Variants in ZNF880 observed in about 807,000 individuals in gnomAD.
ZNF880 encodes zinc finger protein LOC400713.
ZNF880 carries 12 observed loss-of-function variants against 11.8 expected under a neutral mutation model. The observed-to-expected ratio is 1.02, with a 90% CI of 0.65 to 1.65. The LOEUF is 1.65. Among genes scored for constraint, ZNF880 ranks in the 40% most tolerant of loss-of-function variants. ZNF880 has a pLI of 0.00. For synonymous variants in ZNF880, 210 were observed against 232.4 expected (o/e 0.90, Z 0.88); for missense variants, 601 against 673.9 (o/e 0.89, Z 1.20).
chr19:52,368,296 C>G (rs1986220303), upstream of ZNF880, among the ~76,000 whole-genome samples: 1 of 148,182 alleles, frequency 6.7e-6, no homozygotes, highest in Non-Finnish European at 1.5e-5. Context: ...AATGTTCACC[C>G]ATCTTCTTTT....
chr19:52,391,683 G>A, the ZNF880 span: 1 of 152,274 alleles, frequency 6.6e-6, no homozygotes, highest in African/African-American at 2.4e-5. Flanking sequence ...AGATGAAGAT[G>A]AGAATTGGAA....
chr19:52,373,124 T>C lies in ZNF880; in HGVS notation c.26T>C (p.Phe9Ser). 1 of 1,613,208 alleles carries C rather than the reference T, an allele frequency of 6.2e-7. No individual in the cohort carries two copies. Among genetic ancestry groups the C allele is most frequent in the Non-Finnish European group, 8.5e-7 (1 of 1,179,466 alleles). MLRRGHLA[F>S]RDVAIEFPQE... The stretch of plus-strand genomic sequence containing the variant: ...TTTTCATTTTAGGGACACTTGGCAT[T>C]CAGGGACGTGGCCATAGAATTCCCT... The change falls in exon 2 of 4, where the codon TTC becomes TCC. Residue 9 changes from phenylalanine to serine, a missense_variant. Phe to Ser is a radical substitution (Grantham distance 155). Coordinates refer to ENST00000422689, the MANE Select transcript of ZNF880 (RefSeq NM_001145434.2).
At chr19:52,391,782 G>A in the ZNF880 span, among the ~76,000 whole-genome samples, 29 of 152,320 alleles carry the variant, frequency 1.9e-4, no homozygotes, top group South Asian at 6.0e-3. Context: ...ACGGCAGGCA[G>A]TGACTTGACT....
intron 3 of ZNF880, among the ~76,000 whole-genome samples, chr19:52,375,064 C>T (rs1986513106): frequency 6.6e-6 from 1 of 151,762 alleles, no homozygotes; most frequent in African/African-American, 2.4e-5. Context: ...TTTGCCCCCT[C>T]TTACTGCTGC....
At chr19:52,386,823 TAGTG>T (rs1477884909), downstream of ZNF880, among the ~76,000 whole-genome samples, 1 of 99,520 alleles carries the variant, frequency 1.0e-5, no homozygotes, top group Non-Finnish European at 2.2e-5. Flanking sequence ...AAAAAAAAAA[TAGTG>T]GTCATTTTTG....
At chr19:52,393,070 T>G in the ZNF880 span, among the ~76,000 whole-genome samples, 7 of 150,824 alleles carry the variant, frequency 4.6e-5, no homozygotes, top group Non-Finnish European at 1.0e-4. Flanking sequence ...CCTGTTAGTT[T>G]TTTTTTTTTT....
chr19:52,383,805 C>G (rs763425165), intron 3 of ZNF880, 44 bp from the exon 4 acceptor site: 26 of 1,485,298 alleles, frequency 1.8e-5, no homozygotes, highest in South Asian at 2.8e-5. Flanking sequence ...ACTGAACATG[C>G]CATTGTCATG....
At chr19:52,389,884 T>C (rs1228795444), downstream of ZNF880, 2 of 152,240 alleles carry the variant, frequency 1.3e-5, no homozygotes, top group Non-Finnish European at 2.9e-5. Context: ...TCAACAACCA[T>C]TTTCTAGGAA....
At chr19:52,393,411 C>T in the ZNF880 span, among the ~76,000 whole-genome samples, 1 of 146,404 alleles carries the variant, frequency 6.8e-6, no homozygotes, top group African/African-American at 2.5e-5. Flanking sequence ...TTCTTTCTTT[C>T]TTTTTTTTTT....
intron 3 of ZNF880, among the ~76,000 whole-genome samples, chr19:52,378,645 CAAAA>C (rs3070397): frequency 4.7e-5 from 4 of 85,168 alleles, no homozygotes; most frequent in Non-Finnish European, 7.0e-5. Context: ...GACTCTGTCT[CAAAA>C]AAAAAAAAAA....
chr19:52,375,824 T>C lies in ZNF880; in HGVS notation c.268+1397T>C, dbSNP rs1221971387. 2.6e-5 allele frequency among the ~76,000 whole-genome samples: 4 copies of C among 152,062 alleles called. No homozygotes were observed. In the East Asian group the frequency reaches 7.8e-4, roughly 30 times the overall value. ...TCACTGGGACTGTAGGCATGTGCCA[T>C]TGCATCTTGCTAATTTTTAAAAAAT... On this transcript the variant is annotated intron_variant, in intron 3 of 3. Transcript: ENST00000422689.
At chr19:52,393,985 C>G in the ZNF880 span, among the ~76,000 whole-genome samples, 2 of 151,140 alleles carry the variant, frequency 1.3e-5, no homozygotes, top group Non-Finnish European at 2.9e-5. Flanking sequence ...TACAGGCACC[C>G]GCCACCACAC....
chr19:52,370,688 A>G (rs1986339010), intron 1 of ZNF880: 1 of 152,198 alleles, frequency 6.6e-6, no homozygotes, highest in Non-Finnish European at 1.5e-5. Flanking sequence ...ATGTTTTTAC[A>G]TGGTCTGACT....
the ZNF880 span, among the ~76,000 whole-genome samples, chr19:52,392,119 C>T: frequency 2.0e-5 from 3 of 152,238 alleles, no homozygotes; most frequent in South Asian, 6.2e-4. Context: ...GAGTGATTTA[C>T]ACAACTTGGA....
intron 2 of ZNF880, among the ~76,000 whole-genome samples, chr19:52,373,669 A>ATTTTTTTT (rs35788651): frequency 1.9e-5 from 2 of 102,578 alleles, no homozygotes; most frequent in Admixed American, 1.2e-4. Flanking sequence ...AAATACTGTA[A>ATTTTTTTT]TTTTTTTTTT....
In ZNF880 at chr19:52,372,630, A is replaced by G. The variant is rs533186603; in HGVS notation, c.13-481A>G. Among the ~76,000 whole-genome samples, 77 of 147,150 alleles carry G rather than the reference A, an allele frequency of 5.2e-4. No individual in the cohort carries two copies. The South Asian group carries it at 0.014, about 28-fold the overall frequency. ...TTAAAGAATATCAGGTTGGGCATGC[A>G]GTGGCTCATGCCTGTAATCCCAGCA... On this transcript the variant is annotated intron_variant, in intron 1 of 3. Coordinates refer to ENST00000422689, the MANE Select transcript of ZNF880 (RefSeq NM_001145434.2).
chr19:52,367,114 T>TC (rs1388625386), upstream of ZNF880: 1 of 67,540 alleles, frequency 1.5e-5, no homozygotes, highest in South Asian at 8.2e-4. Context: ...AAGTTTAAAG[T>TC]TTTTTTTTAG....
upstream of ZNF880, among the ~76,000 whole-genome samples, chr19:52,369,695 C>T (rs1037586218): frequency 6.6e-6 from 1 of 152,034 alleles, no homozygotes; most frequent in Non-Finnish European, 1.5e-5. Flanking sequence ...AGCGCCCCTA[C>T]AGCCGATTTA....
upstream of ZNF880, among the ~76,000 whole-genome samples, chr19:52,368,292 C>T (rs935106531): frequency 2.7e-5 from 4 of 148,736 alleles, no homozygotes; most frequent in Non-Finnish European, 4.4e-5. Flanking sequence ...TATTAATGTT[C>T]ACCCATCTTC....
Sources: gnomAD v4.1 joint callset for allele counts (sites outside exome capture counted in the v4.1 genomes callset) on GRCh38, gnomAD v4.1.1 for gene constraint, MANE v1.5 for transcripts, NCBI Gene and HGNC (gene_info 2026-07-23, HGNC 2026-07-21) for gene names.